The following ARHGAP21 variants were observed in gnomAD, a reference collection of about 807,000 sequenced individuals.
The protein encoded by ARHGAP21 is Rho GTPase activating protein 21.
A neutral mutation model predicts 164.6 loss-of-function variants in ARHGAP21; 38 were observed. The observed-to-expected ratio is 0.23, with a 90% CI of 0.18 to 0.30. ARHGAP21 has a LOEUF of 0.30. Among genes scored for constraint, ARHGAP21 ranks in the 10% least tolerant of loss-of-function variants. ARHGAP21 has a pLI of 1.00. For missense variants in ARHGAP21, 1,822 were observed against 2,370.7 expected (o/e 0.77, Z 4.81); for synonymous variants, 766 against 857.9 (o/e 0.89, Z 1.87).
At chr10:24,622,939 A>G in intron 7 of ARHGAP21, 177 bp from the exon 8 acceptor site, 1 of 544,400 alleles carries the variant, frequency 1.8e-6, no homozygotes, top group South Asian at 2.9e-5. Context: ...TATTCTTCTG[A>G]ACATCTTTTT....
Position 24,584,647 on chromosome 10 carries a change from C to G in ARHGAP21, c.5642G>C (p.Arg1881Pro). Residue 1881 changes from arginine (R) to proline (P), a missense_variant, in exon 26 of 26, where the codon CGA (arginine) becomes CCA (proline). Arg to Pro is a moderately radical substitution (Grantham distance 103, BLOSUM62 -2). Transcript: ENST00000396432. ...AGGTGTGTCGGTCGTGGCTATTTCT[C>G]GTGTGCTTGGGTTCTCTGTCTGGGG... ...GDPQTENPSTREIATTDTPLS... is the reference protein window; with the variant it reads ...GDPQTENPSTPEIATTDTPLS... 6.2e-7 allele frequency: 1 copy of G among 1,613,896 alleles called. No homozygotes were observed. Among genetic ancestry groups the G allele is most frequent in the Non-Finnish European group, 8.5e-7 (1 of 1,179,850 alleles).
Position 24,585,671 on chromosome 10 carries a change from C to T in ARHGAP21, c.4618G>A (p.Glu1540Lys), listed in dbSNP as rs2076073522. ...GTGCCAGAGTCAGAGCCTGTCTCTT[C>T]AAGGTGGGAGGACTTCTGTGCCAGA... Reference protein sequence around the residue: ...SLLAQKSSHLEETGSDSGTLL... With the variant: ...SLLAQKSSHLKETGSDSGTLL... The change falls in exon 26 of 26, where the codon GAA (glutamate) becomes AAA (lysine). Residue 1540 changes from glutamate (E) to lysine (K), a missense_variant. This residue lies in a region of ARHGAP21 where 333 missense variants were observed against 383.9 expected (regional missense o/e 0.87). Coordinates refer to ENST00000396432, the MANE Select transcript of ARHGAP21 (RefSeq NM_020824.4). 6.2e-7 allele frequency: 1 copy of T among 1,614,048 alleles called. No individual in the cohort carries two copies. Among genetic ancestry groups the T allele is most frequent in the African/African-American group, 1.3e-5 (1 of 74,938 alleles).
At chr10:24,673,811 G>A (rs1317031883) in intron 2 of ARHGAP21, among the ~76,000 whole-genome samples, 3 of 151,998 alleles carry the variant, frequency 2.0e-5, no homozygotes, top group Admixed American at 6.6e-5. Flanking sequence ...GCAGTGAGCC[G>A]AGATTACACC....
intron 7 of ARHGAP21, among the ~76,000 whole-genome samples, chr10:24,623,662 T>C (rs1277307350): frequency 6.6e-6 from 1 of 152,200 alleles, no homozygotes; most frequent in Non-Finnish European, 1.5e-5. Flanking sequence ...TCCCACAACA[T>C]CCTTGTGTAG....
At chr10:24,717,617 C>A (rs1014844030) in intron 2 of ARHGAP21, among the ~76,000 whole-genome samples, 1 of 151,948 alleles carries the variant, frequency 6.6e-6, no homozygotes. Flanking sequence ...AAGGACCTGA[C>A]AGGAGTTCAA....
intron 4 of ARHGAP21, among the ~76,000 whole-genome samples, chr10:24,650,326 G>A (rs1275251741): frequency 1.3e-5 from 2 of 152,122 alleles, no homozygotes; most frequent in African/African-American, 4.8e-5. Context: ...TTCAAGATCA[G>A]CATGGGTAAC....
intron 2 of ARHGAP21, among the ~76,000 whole-genome samples, chr10:24,676,645 G>A (rs1841281646): frequency 6.6e-6 from 1 of 152,030 alleles, no homozygotes; most frequent in Non-Finnish European, 1.5e-5. Context: ...ATATACCCAG[G>A]TAACAAAACT....
intron 7 of ARHGAP21, among the ~76,000 whole-genome samples, chr10:24,626,282 G>C (rs931401443): frequency 6.6e-6 from 1 of 152,146 alleles, no homozygotes; most frequent in African/African-American, 2.4e-5. Context: ...ATTCTCTTTG[G>C]TCAGTGCTAC....
intron 2 of ARHGAP21, among the ~76,000 whole-genome samples, chr10:24,711,116 GGGAAGGAAGGAA>G (rs1191649348): frequency 1.7e-5 from 2 of 114,952 alleles, no homozygotes; most frequent in African/African-American, 3.4e-5. Context: ...AAAAAAAAAA[GGGAAGGAAGGAA>G]GGAAGGAAGG....
Position 24,585,554 on chromosome 10 carries a change from T to C in ARHGAP21, c.4735A>G (p.Asn1579Asp), listed in dbSNP as rs762930855. Residue 1579 changes from asparagine (N) to aspartate (D), a missense_variant, in exon 26 of 26, where the codon AAC becomes GAC. Around this residue, in one of 5 missense-constraint regions of ARHGAP21, gnomAD observed 333 missense variants for 383.9 expected, o/e 0.87. Coordinates refer to ENST00000396432, the MANE Select transcript of ARHGAP21 (RefSeq NM_020824.4). The part of the protein sequence containing the change: ...PETKHSEFLA[N>D]VSTITSDYST... ...TAATCTGAGGTGATGGTGCTGACGT[T>C]GGCCAAAAACTCGCTATGTTTCGTT... 5.0e-6 allele frequency: 8 copies of C among 1,614,094 alleles called. No homozygotes were observed. The Admixed American group carries it at 1.3e-4, about 27-fold the overall frequency.
chr10:24,591,715 A>C, intron 22 of ARHGAP21, 32 bp from the exon 23 acceptor site: 1 of 1,612,046 alleles, frequency 6.2e-7, no homozygotes, highest in Middle Eastern at 1.7e-4. Context: ...AAGAGAAATT[A>C]AACAAGCCTT....
At chr10:24,715,851 A>G (rs1845324501) in intron 2 of ARHGAP21, among the ~76,000 whole-genome samples, 1 of 152,114 alleles carries the variant, frequency 6.6e-6, no homozygotes, top group South Asian at 2.1e-4. Flanking sequence ...TCTACTAAAC[A>G]TACAAAAATT....
intron 15 of ARHGAP21, 63 bp from the exon 16 acceptor site, chr10:24,597,646 TAC>T: frequency 6.3e-7 from 1 of 1,590,592 alleles, no homozygotes; most frequent in Non-Finnish European, 8.6e-7. Context: ...TGGTTTCAGT[TAC>T]CCGTGGTGAG....
At chr10:24,594,199 C>T (rs2076473925) in intron 21 of ARHGAP21, among the ~76,000 whole-genome samples, 1 of 151,996 alleles carries the variant, frequency 6.6e-6, no homozygotes, top group South Asian at 2.1e-4. Context: ...AGAAAATCAT[C>T]ATTTTAAAAT....
At chr10:24,701,182 TA>T (rs1334524562) in intron 2 of ARHGAP21, among the ~76,000 whole-genome samples, 58 of 146,304 alleles carry the variant, frequency 4.0e-4, no homozygotes, top group Admixed American at 6.8e-4. Flanking sequence ...CAGTAAAAAT[TA>T]AAAAAAAAAA....
Position 24,591,241 on chromosome 10 carries a change from G to A in ARHGAP21, c.4134C>T (p.Ser1378=). ...LLTNIGRTGV[S]PGDVSDSATS... is the part of the protein sequence containing the mutation. ...AAGAGTTACCTGATACATCTCCTGG[G>A]GAGACTCCTGTCCTTCCAATGTTGG... The change falls in exon 24 of 26, where the codon TCC becomes TCT. Residue 1378 remains serine (S), a synonymous_variant. Coordinates refer to ENST00000396432, the MANE Select transcript of ARHGAP21 (RefSeq NM_020824.4). 1 of 1,611,972 alleles carries A rather than the reference G, an allele frequency of 6.2e-7. No individual in the cohort carries two copies. Among genetic ancestry groups the A allele is most frequent in the Non-Finnish European group, 8.5e-7 (1 of 1,179,712 alleles).
intron 19 of ARHGAP21, among the ~76,000 whole-genome samples, chr10:24,595,439 T>G (rs1050607646): frequency 2.0e-5 from 3 of 152,176 alleles, no homozygotes; most frequent in Non-Finnish European, 4.4e-5. Context: ...TTGGCTTGAC[T>G]GAAAAAACAT....
intron 9 of ARHGAP21, among the ~76,000 whole-genome samples, chr10:24,618,405 A>T (rs556333155): frequency 6.6e-6 from 1 of 152,328 alleles, no homozygotes; most frequent in Non-Finnish European, 1.5e-5. Context: ...AAACATGTCA[A>T]GTGGAAACAG....
intron 12 of ARHGAP21, among the ~76,000 whole-genome samples, 182 bp downstream of exon 12, chr10:24,604,130 G>A (rs1029702736): frequency 1.3e-5 from 2 of 152,134 alleles, no homozygotes; most frequent in African/African-American, 2.4e-5. Flanking sequence ...GGGCTGCTGG[G>A]CAGTTAGGAC....
Sources: allele counts gnomAD v4.1 joint callset (sites outside exome capture counted in the v4.1 genomes callset), GRCh38; gene constraint gnomAD v4.1.1; regional missense constraint gnomAD v4.1.1; transcripts MANE v1.5; gene names NCBI Gene and HGNC (gene_info 2026-07-23, HGNC 2026-07-21).